Variants in ATP12A observed in about 807,000 individuals in gnomAD.
ATP12A encodes the protein potassium-transporting ATPase alpha chain 2.
ATP12A carries 81 observed loss-of-function variants against 111.2 expected under a neutral mutation model. That is an observed-to-expected ratio of 0.73 (90% CI 0.61 to 0.88). The LOEUF is 0.88. Among genes scored for constraint, ATP12A ranks in the 40% least tolerant of loss-of-function variants. The probability of loss-of-function intolerance (pLI) is 0.00; values close to 1 mark genes in which losing one functional copy is unlikely to be tolerated. For missense variants in ATP12A, 1,196 were observed against 1,313.1 expected, an observed-to-expected ratio of 0.91 and a Z score of 1.38; for synonymous variants, 498 against 499.8, an observed-to-expected ratio of 1.00 and a Z score of 0.05.
At position 24,680,670 on chromosome 13, in the gene ATP12A, C is replaced by G. The variant is rs1163241001; in HGVS notation, c.-74C>G. Reference sequence around the variant, plus strand: ...CCACTGCCACAGCCACACGAGGCCCCCCACCGTGCGCTCCGCCGCTGCGGT... The same window carrying G: ...CCACTGCCACAGCCACACGAGGCCCGCCACCGTGCGCTCCGCCGCTGCGGT... On this transcript the variant is annotated 5_prime_UTR_variant, in exon 1 of 23. Transcript: ENST00000381946. 2.7e-6 allele frequency: 4 copies of G among 1,485,798 alleles called. No individual in the cohort carries two copies. Among genetic ancestry groups the G allele is most frequent in the African/African-American group, 2.9e-5 (2 of 68,304 alleles). The allele number at this position is 1,485,798 out of a possible 1,614,324, so 92.0% of individuals were successfully genotyped here.
Position 24,707,383 on chromosome 13 carries a change from C to T in ATP12A, c.2443C>T (p.Leu815=). ...GATCTACATCATTGTCGGGCTCCCC[C>T]TGCCCATTGGCACCATCACCATTCT... ...FLIYIIVGLP[L]PIGTITILFI... is the part of the protein sequence containing the mutation. Residue 815 remains leucine, a synonymous_variant, in exon 17 of 23, where the codon CTG becomes TTG. Transcript: ENST00000381946. 1 of 1,614,264 alleles carries T rather than the reference C, an allele frequency of 6.2e-7. No homozygotes were observed. The highest frequency in any genetic ancestry group is 1.1e-5 in the South Asian group (1 of 91,086).
chr13:24,697,534 G>T (rs1300357739), intron 11 of ATP12A, among the ~76,000 whole-genome samples: 1 of 151,898 alleles, frequency 6.6e-6, no homozygotes, highest in East Asian at 1.9e-4. Flanking sequence ...CAGCTACTTG[G>T]GAGGCTGAGG....
chr13:24,709,020 T>C (rs889506371), intron 17 of ATP12A, among the ~76,000 whole-genome samples: 2 of 152,034 alleles, frequency 1.3e-5, no homozygotes, highest in Non-Finnish European at 1.5e-5. Context: ...TCCTCCTGAA[T>C]TGGGAAGTCT....
intron 11 of ATP12A, among the ~76,000 whole-genome samples, chr13:24,696,434 C>G (rs976369754): frequency 1.4e-5 from 1 of 70,998 alleles, no homozygotes; most frequent in Non-Finnish European, 3.0e-5. Flanking sequence ...GGGCCGGGCG[C>G]GGTGGCTCAC....
rs866032280 is a variant in ATP12A, at chr13:24,681,769, C to G, written c.168+49C>G. The G allele has an allele frequency of 4.4e-6, 7 of 1,609,158 alleles. No individual in the cohort carries two copies. The Middle Eastern group carries it at 5.0e-4, about 115-fold the overall frequency. ...TCCTGCCGGCTATGGCCCTTCCCCG[C>G]AAGAGCTTGCCCCTAGAACCCACCT... is the stretch of plus-strand genomic sequence containing the variant. On this transcript the variant is annotated intron_variant, in intron 2 of 22. Coordinates refer to ENST00000381946, the MANE Select transcript of ATP12A (RefSeq NM_001676.7).
chr13:24,691,924 A>C (rs901750401), intron 8 of ATP12A, among the ~76,000 whole-genome samples: 1 of 152,228 alleles, frequency 6.6e-6, no homozygotes, highest in Non-Finnish European at 1.5e-5. Context: ...ATTTGGGGAA[A>C]TTGGAGCCAA....
Position 24,711,600 on chromosome 13 carries a change from C to G in ATP12A, c.*78C>G, listed in dbSNP as rs1297604492. The G allele has an allele frequency of 8.4e-5, 132 of 1,579,140 alleles. No individual in the cohort carries two copies. The highest frequency in any genetic ancestry group is 1.1e-4 in the Non-Finnish European group (132 of 1,149,182). On this transcript the variant is annotated 3_prime_UTR_variant, in exon 23 of 23. Coordinates refer to ENST00000381946, the MANE Select transcript of ATP12A (RefSeq NM_001676.7). ...TCTTCTGACCGTTTGCTGGGCTATT[C>G]CCCTGCAGTGCAGACATCGTCAAAA...
At chr13:24,689,431 C>G in intron 5 of ATP12A, 56 bp downstream of exon 5, 1 of 1,497,380 alleles carries the variant, frequency 6.7e-7, no homozygotes, top group African/African-American at 1.4e-5. Flanking sequence ...GAGGAAGCCT[C>G]AGCTGGGAGG....
rs1875966141 is a variant in ATP12A, at chr13:24,711,418, C to G, written c.3091+9C>G. ...CAGGCTCTACCCTGGAAGTGAGTAGCCTATGATTTTAGAGGCTCTGTTTAC... is the reference window on the plus strand; with the variant it reads ...CAGGCTCTACCCTGGAAGTGAGTAGGCTATGATTTTAGAGGCTCTGTTTAC... On this transcript the variant is annotated intron_variant, in intron 22 of 22. Coordinates refer to ENST00000381946, the MANE Select transcript of ATP12A (RefSeq NM_001676.7). 6.2e-7 allele frequency: 1 copy of G among 1,613,816 alleles called. No individual in the cohort carries two copies.
intron 8 of ATP12A, 88 bp from the exon 9 acceptor site, chr13:24,692,341 A>G: frequency 7.2e-7 from 1 of 1,389,120 alleles, no homozygotes; most frequent in Non-Finnish European, 9.9e-7. Context: ...CCTAAAATTC[A>G]ATCACAGCTC....
rs557362052 is a variant in ATP12A, at chr13:24,697,535, G to A, written c.1513-1123G>A. Among the ~76,000 whole-genome samples, 170 of 152,020 alleles carry A rather than the reference G, an allele frequency of 1.1e-3. No homozygotes were observed. In the Middle Eastern group the frequency reaches 0.021, roughly 18 times the overall value. ...CATACCTGTAGTCCCAGCTACTTGG[G>A]AGGCTGAGGTGGGAGGATTGCTTGA... On this transcript the variant is annotated intron_variant, in intron 11 of 22. Transcript: ENST00000381946.
chr13:24,694,995 C>T (rs536570880), intron 11 of ATP12A, among the ~76,000 whole-genome samples: 1 of 152,330 alleles, frequency 6.6e-6, no homozygotes, highest in Admixed American at 6.5e-5. Context: ...CCTCTCACCT[C>T]TAGTGCATCA....
chr13:24,711,882 T>C lies in ATP12A; in HGVS notation c.*360T>C, dbSNP rs1443614777. 6.4e-6 allele frequency: 2 copies of C among 310,512 alleles called. No individual in the cohort carries two copies. The allele number at this position is 310,512 out of a possible 1,614,324, so 19.2% of individuals were successfully genotyped here. On this transcript the variant is annotated 3_prime_UTR_variant, in exon 23 of 23. Coordinates refer to ENST00000381946, the MANE Select transcript of ATP12A (RefSeq NM_001676.7). ...TGCCTTAAGCTCTAGCTAGGATTGC[T>C]CAGAACTCCTTTCCACACCCTATTA...
intron 14 of ATP12A, 30 bp downstream of exon 14, chr13:24,702,101 C>T (rs752989499): frequency 6.2e-7 from 1 of 1,613,490 alleles, no homozygotes; most frequent in Non-Finnish European, 8.5e-7. Context: ...AGTAAAAATT[C>T]CAGTTTATAC....
chr13:24,689,207 G>T, intron 4 of ATP12A, 55 bp from the exon 5 acceptor site: 7 of 1,430,242 alleles, frequency 4.9e-6, no homozygotes, highest in Non-Finnish European at 6.9e-6. Context: ...TAGCCCCAGG[G>T]CCCGGCTGCT....
At position 24,696,104 on chromosome 13, in the gene ATP12A, T is replaced by C. The variant is rs1593137699; in HGVS notation, c.1512+1526T>C. ...TAAAAGACTGTTTTAGGATGAGTAT[T>C]ATTATACTAATAATACTAGTGATAA... On this transcript the variant is annotated intron_variant, in intron 11 of 22. Transcript: ENST00000381946. Among the ~76,000 whole-genome samples the C allele has an allele frequency of 3.9e-5, 6 of 152,298 alleles. 1 individual carries two copies. Among genetic ancestry groups the C allele is most frequent in the Admixed American group, 3.9e-4 (6 of 15,300 alleles).
chr13:24,698,124 C>T (rs892472172), intron 11 of ATP12A, among the ~76,000 whole-genome samples: 3 of 152,048 alleles, frequency 2.0e-5, no homozygotes, highest in Non-Finnish European at 4.4e-5. Flanking sequence ...ACTCCTGTGA[C>T]TCGGCTGTCT....
chr13:24,708,345 G>A (rs946327401), intron 17 of ATP12A, among the ~76,000 whole-genome samples: 2 of 152,176 alleles, frequency 1.3e-5, no homozygotes, highest in African/African-American at 4.8e-5. Flanking sequence ...TGAATTCTTA[G>A]CAGGAAACTG....
In ATP12A at chr13:24,709,755, C is replaced by G; in HGVS notation, c.2690C>G (p.Thr897Ser). ...GCACAAGAGGGCTTTCTGCCCCGCA[C>G]TCTCATTAACCTGCGGGTAGAATGG... ...VYAQEGFLPRTLINLRVEWEK... is the reference protein window; with the variant it reads ...VYAQEGFLPRSLINLRVEWEK... The change falls in exon 19 of 23, where the codon ACT (threonine) becomes AGT (serine). Residue 897 changes from threonine (T) to serine (S), a missense_variant. Thr to Ser is a moderately conservative substitution (Grantham distance 58). Around this residue, in one of 3 missense-constraint regions of ATP12A, gnomAD observed 1,126 missense variants for 1,228.5 expected, o/e 0.92. Coordinates refer to ENST00000381946, the MANE Select transcript of ATP12A (RefSeq NM_001676.7). 6.2e-7 allele frequency: 1 copy of G among 1,614,254 alleles called. No homozygotes were observed. The highest frequency in any genetic ancestry group is 8.5e-7 in the Non-Finnish European group (1 of 1,180,042).
Sources: gnomAD v4.1 joint callset for allele counts (sites outside exome capture counted in the v4.1 genomes callset) on GRCh38, gnomAD v4.1.1 for gene constraint, gnomAD v4.1.1 regional missense constraint, MANE v1.5 for transcripts, NCBI Gene and HGNC (gene_info 2026-07-23, HGNC 2026-07-21) for gene names.